Variants in DNAJC3 observed in about 807,000 individuals in gnomAD.
The protein encoded by DNAJC3 is DnaJ heat shock protein family (Hsp40) member C3.
Under a neutral mutation model 68.6 loss-of-function variants are expected in DNAJC3, and 38 were observed. The ratio of observed to expected loss-of-function variants is 0.55; its 90% CI spans 0.43 to 0.73. The LOEUF (loss-of-function observed/expected upper bound fraction) is 0.73, where lower values mean the gene tolerates loss of function less well. DNAJC3 is among the 30% of genes least tolerant of loss of function. DNAJC3 has a pLI of 0.00. For missense variants in DNAJC3, 526 were observed against 591.9 expected (o/e 0.89, Z 1.16); for synonymous variants, 203 against 204.0 (o/e 1.00, Z 0.04).
intron 2 of DNAJC3, among the ~76,000 whole-genome samples, chr13:95,716,515 G>A (rs556738269): frequency 1.3e-5 from 2 of 152,302 alleles, no homozygotes; most frequent in African/African-American, 2.4e-5. Flanking sequence ...GTTCTTGCTC[G>A]GTTGTACTGG....
At chr13:95,710,304 T>G (rs2139627409) in intron 2 of DNAJC3, among the ~76,000 whole-genome samples, 1 of 151,866 alleles carries the variant, frequency 6.6e-6, no homozygotes, top group South Asian at 2.1e-4. Flanking sequence ...ATTGGTGTGA[T>G]TATGGTGATT....
chr13:95,740,735 CG>C (rs1477866940), intron 4 of DNAJC3, among the ~76,000 whole-genome samples: 1 of 152,062 alleles, frequency 6.6e-6, no homozygotes, highest in African/African-American at 2.4e-5. Context: ...GAGATGAACC[CG>C]GTACCTCAGA....
At chr13:95,690,689 C>T (rs376478814) in intron 1 of DNAJC3, among the ~76,000 whole-genome samples, 7 of 134,956 alleles carry the variant, frequency 5.2e-5, no homozygotes, top group South Asian at 2.5e-4. Context: ...CCCTCCCGGA[C>T]GGGGCGGCTG....
intron 1 of DNAJC3, among the ~76,000 whole-genome samples, chr13:95,683,234 T>C (rs577380003): frequency 2.0e-5 from 3 of 152,216 alleles, no homozygotes; most frequent in Non-Finnish European, 4.4e-5. Flanking sequence ...TATTTTATTT[T>C]AGATTCAAGA....
At chr13:95,751,054 G>T (rs1458728359) in intron 4 of DNAJC3, among the ~76,000 whole-genome samples, 1 of 152,076 alleles carries the variant, frequency 6.6e-6, no homozygotes, top group Admixed American at 6.5e-5. Flanking sequence ...AGGCAACATA[G>T]TGAGGCCATG....
chr13:95,743,933 G>A (rs1882226601), intron 4 of DNAJC3, among the ~76,000 whole-genome samples: 1 of 152,080 alleles, frequency 6.6e-6, no homozygotes, highest in Non-Finnish European at 1.5e-5. Context: ...TGTCAAAATT[G>A]TTTTAGATAT....
At chr13:95,722,117 C>T (rs1324840103) in intron 2 of DNAJC3, among the ~76,000 whole-genome samples, 1 of 152,176 alleles carries the variant, frequency 6.6e-6, no homozygotes, top group Non-Finnish European at 1.5e-5. Flanking sequence ...TGTTCTGCAG[C>T]AGATTTGCTT....
intron 9 of DNAJC3, among the ~76,000 whole-genome samples, chr13:95,771,863 AT>A (rs1196122115): frequency 6.7e-6 from 1 of 149,150 alleles, no homozygotes; most frequent in African/African-American, 2.5e-5. Flanking sequence ...CTAGATCTTC[AT>A]ATAAATACAG....
rs1882621967 is a variant in DNAJC3 at position 95,755,386 on chromosome 13, G to C, written c.394-2258G>C. Among the ~76,000 whole-genome samples, 5 of 152,016 alleles carry C rather than the reference G, an allele frequency of 3.3e-5. No individual in the cohort carries two copies. In the South Asian group the frequency reaches 1.0e-3, roughly 32 times the overall value. On this transcript the variant is annotated intron_variant, in intron 4 of 11. Transcript: ENST00000602402. ...GGATTGCTTGAACTGAGGAGCTGGA[G>C]ATTGCAGTGAGCTAAGAACATGCCA...
At chr13:95,726,676 G>C (rs1241674055) in intron 4 of DNAJC3, among the ~76,000 whole-genome samples, 1 of 152,100 alleles carries the variant, frequency 6.6e-6, no homozygotes, top group Non-Finnish European at 1.5e-5. Context: ...GAGACACTTA[G>C]CTGGTCTTTT....
intron 2 of DNAJC3, among the ~76,000 whole-genome samples, chr13:95,722,068 C>A (rs545820375): frequency 6.6e-6 from 1 of 152,116 alleles, no homozygotes; most frequent in African/African-American, 2.4e-5. Flanking sequence ...TTTTAGAATT[C>A]TTTATATGCT....
At chr13:95,684,198 A>G (rs560463839) in intron 1 of DNAJC3, among the ~76,000 whole-genome samples, 2 of 152,312 alleles carry the variant, frequency 1.3e-5, no homozygotes, top group Admixed American at 1.3e-4. Flanking sequence ...AGTGGTATAG[A>G]CAGTGAAGTT....
Position 95,736,303 on chromosome 13 carries a change from G to A in DNAJC3, c.393+11051G>A, listed in dbSNP as rs918819031. On this transcript the variant is annotated intron_variant, in intron 4 of 11. Transcript: ENST00000602402. The stretch of plus-strand genomic sequence containing the variant: ...TGGCTTAGGTTTGACTTGGCGATGC[G>A]GGCTCTTTTTTGGTTCCATATGAAC... 1.2e-4 allele frequency among the ~76,000 whole-genome samples: 18 copies of A among 151,902 alleles called. No individual in the cohort carries two copies. The South Asian group carries it at 2.7e-3, about 23-fold the overall frequency.
intron 1 of DNAJC3, 64 bp from the exon 2 acceptor site, chr13:95,709,163 T>C: frequency 8.5e-7 from 1 of 1,173,162 alleles, no homozygotes; most frequent in Non-Finnish European, 1.2e-6. Flanking sequence ...TTTAATATTA[T>C]ATTTTTTAGA....
intron 9 of DNAJC3, among the ~76,000 whole-genome samples, chr13:95,777,106 CTT>C: frequency 6.6e-6 from 1 of 152,274 alleles, no homozygotes; most frequent in African/African-American, 2.4e-5. Context: ...ATTTTCCCTG[CTT>C]TCTTCTATGT....
intron 4 of DNAJC3, among the ~76,000 whole-genome samples, chr13:95,734,531 T>C (rs971906046): frequency 6.6e-6 from 1 of 152,224 alleles, no homozygotes; most frequent in African/African-American, 2.4e-5. Flanking sequence ...TTTTGGGTTA[T>C]CTGAGCTTTC....
intron 4 of DNAJC3, among the ~76,000 whole-genome samples, chr13:95,738,967 GTTCCT>G (rs1421587112): frequency 6.6e-6 from 1 of 152,066 alleles, no homozygotes; most frequent in East Asian, 1.9e-4. Context: ...GGTACTGGTT[GTTCCT>G]TTCCATGTTT....
intron 4 of DNAJC3, among the ~76,000 whole-genome samples, chr13:95,738,520 A>C (rs1364771556): frequency 6.6e-6 from 1 of 152,096 alleles, no homozygotes; most frequent in South Asian, 2.1e-4. Context: ...TATTGGGTGC[A>C]TATATATTTA....
chr13:95,743,319 T>A (rs1340335589), intron 4 of DNAJC3, among the ~76,000 whole-genome samples: 1 of 152,226 alleles, frequency 6.6e-6, no homozygotes, highest in South Asian at 2.1e-4. Flanking sequence ...CAGTGAGTAC[T>A]TATAGACAGA....
Sources: allele counts gnomAD v4.1 joint callset (sites outside exome capture counted in the v4.1 genomes callset), GRCh38; gene constraint gnomAD v4.1.1; transcripts MANE v1.5; gene names NCBI Gene and HGNC (gene_info 2026-07-23, HGNC 2026-07-21).